CBFA2T2: variants seen among roughly 807,000 people sequenced by gnomAD.
The protein encoded by CBFA2T2 is protein CBFA2T2.
Under a neutral mutation model 62.2 loss-of-function variants are expected in CBFA2T2, and 11 were observed. The ratio of observed to expected loss-of-function variants is 0.18; its 90% CI spans 0.11 to 0.29. CBFA2T2 has a LOEUF of 0.29. Ranked by LOEUF, CBFA2T2 falls within the 10% of genes least tolerant of loss-of-function variation. The pLI is 1.00. For missense variants in CBFA2T2, 592 were observed against 774.1 expected, an observed-to-expected ratio of 0.76 and a Z score of 2.79; for synonymous variants, 295 against 287.5, an observed-to-expected ratio of 1.03 and a Z score of -0.27.
chr20:33,589,538 A>C (rs1568837168), intron 1 of CBFA2T2, among the ~76,000 whole-genome samples: 1 of 152,214 alleles, frequency 6.6e-6, no homozygotes, highest in Non-Finnish European at 1.5e-5. Flanking sequence ...GAAACGAGTA[A>C]AGATGAATTC....
At chr20:33,494,227 T>G (rs2011170813) in intron 1 of CBFA2T2, among the ~76,000 whole-genome samples, 1 of 135,094 alleles carries the variant, frequency 7.4e-6, no homozygotes, top group African/African-American at 2.8e-5. Context: ...GTACTATGTA[T>G]TAGGCATATA....
At chr20:33,618,808 C>T (rs574872925) in intron 3 of CBFA2T2, among the ~76,000 whole-genome samples, 1 of 152,326 alleles carries the variant, frequency 6.6e-6, no homozygotes, top group African/African-American at 2.4e-5. Flanking sequence ...GTCATTATCT[C>T]TGTAACAGGA....
chr20:33,607,183 T>C lies in CBFA2T2; in HGVS notation c.178+84T>C, dbSNP rs1429703261. ...TGACTTGTATGAAGCGTTCCACATA[T>C]ATTATTCAGTGTTTTCAAAGTACTA... On this transcript the variant is annotated intron_variant, in intron 2 of 10. Coordinates refer to ENST00000342704, the MANE Select transcript of CBFA2T2 (RefSeq NM_001032999.3). The C allele has an allele frequency of 3.3e-5, 42 of 1,262,148 alleles. No homozygotes were observed. The East Asian group carries it at 6.0e-4, about 18-fold the overall frequency. The allele number at this position is 1,262,148 out of a possible 1,614,324, so 78.2% of individuals were successfully genotyped here. A position where few individuals can be genotyped will look rare whatever the true frequency, so the allele number is the denominator to read the frequency against.
chr20:33,524,224 CAAGT>C (rs1239711029), intron 1 of CBFA2T2, among the ~76,000 whole-genome samples: 2 of 152,052 alleles, frequency 1.3e-5, no homozygotes, highest in African/African-American at 4.8e-5. Context: ...TAATAAATCT[CAAGT>C]AAGATCTTAA....
chr20:33,498,153 A>C (rs551980730), intron 1 of CBFA2T2, among the ~76,000 whole-genome samples: 61 of 149,288 alleles, frequency 4.1e-4, no homozygotes, highest in African/African-American at 1.5e-3. Flanking sequence ...CTGGTCTAGA[A>C]CTCCTAGGCT....
intron 6 of CBFA2T2, among the ~76,000 whole-genome samples, chr20:33,625,875 G>C (rs897854551): frequency 2.0e-5 from 3 of 152,108 alleles, no homozygotes; most frequent in African/African-American, 7.2e-5. Context: ...GGCTGAGGTG[G>C]GTGGATCATG....
intron 4 of CBFA2T2, among the ~76,000 whole-genome samples, chr20:33,619,848 G>C (rs1347030970): frequency 1.3e-5 from 2 of 152,168 alleles, no homozygotes; most frequent in African/African-American, 4.8e-5. Context: ...AGCTAGCATA[G>C]GAGAGAATAG....
At chr20:33,620,461 G>A (rs1210901535) in intron 4 of CBFA2T2, among the ~76,000 whole-genome samples, 2 of 151,848 alleles carry the variant, frequency 1.3e-5, no homozygotes, top group African/African-American at 4.8e-5. Flanking sequence ...AGCTGACATT[G>A]TGCCACTGCA....
rs529255304 is a variant in CBFA2T2 at position 33,582,602 on chromosome 20, C to T, written c.35-24354C>T. Among the ~76,000 whole-genome samples the T allele has an allele frequency of 3.3e-5, 5 of 152,332 alleles. No homozygotes were observed. In the East Asian group the frequency reaches 9.6e-4, roughly 29 times the overall value. On this transcript the variant is annotated intron_variant, in intron 1 of 10. Coordinates refer to ENST00000342704, the MANE Select transcript of CBFA2T2 (RefSeq NM_001032999.3). ...TTGGGAGGCTGAGGCAGGAAGATCA[C>T]TTGAGGCCAGGAGTTCAAGACCAGC...
At chr20:33,506,326 G>A (rs1330131903) in intron 1 of CBFA2T2, among the ~76,000 whole-genome samples, 1 of 151,842 alleles carries the variant, frequency 6.6e-6, no homozygotes, top group East Asian at 1.9e-4. Flanking sequence ...TAGCAAAATG[G>A]CCAGTACTAC....
chr20:33,516,343 G>A (rs1454290794), intron 1 of CBFA2T2, among the ~76,000 whole-genome samples: 1 of 150,544 alleles, frequency 6.6e-6, no homozygotes, highest in Non-Finnish European at 1.5e-5. Context: ...GGTGGTGCAT[G>A]CCTGTAATTC....
chr20:33,606,771 C>G (rs1036343269), intron 1 of CBFA2T2, among the ~76,000 whole-genome samples, 185 bp from the exon 2 acceptor site: 2 of 152,108 alleles, frequency 1.3e-5, no homozygotes, highest in South Asian at 2.1e-4. Context: ...TTCAAAGACC[C>G]TTTTGCCAAA....
chr20:33,565,915 C>T (rs887169335), intron 1 of CBFA2T2, among the ~76,000 whole-genome samples: 91 of 152,154 alleles, frequency 6.0e-4, no homozygotes, highest in African/African-American at 2.0e-3. Context: ...TTTGAGTGAA[C>T]GAATGTATTT....
intron 1 of CBFA2T2, among the ~76,000 whole-genome samples, chr20:33,576,637 T>C (rs2146908735): frequency 6.6e-6 from 1 of 152,324 alleles, no homozygotes; most frequent in South Asian, 2.1e-4. Flanking sequence ...AGGAATAACC[T>C]CTCCCAATTT....
At chr20:33,596,398 A>G (rs573229966) in intron 1 of CBFA2T2, among the ~76,000 whole-genome samples, 1 of 152,250 alleles carries the variant, frequency 6.6e-6, no homozygotes, top group African/African-American at 2.4e-5. Flanking sequence ...AAGGCATTTT[A>G]TTAATCACTG....
At chr20:33,547,901 T>C (rs1370120774) in intron 1 of CBFA2T2, among the ~76,000 whole-genome samples, 1 of 152,146 alleles carries the variant, frequency 6.6e-6, no homozygotes, top group African/African-American at 2.4e-5. Flanking sequence ...CCAGAAATAC[T>C]TTACTGAGGG....
chr20:33,495,156 G>A (rs79312203), intron 1 of CBFA2T2, among the ~76,000 whole-genome samples: 10,523 of 152,064 alleles, frequency 0.069, 526 homozygotes, highest in Middle Eastern at 0.14. Flanking sequence ...CCACCATTTG[G>A]AAGGTCGAGG....
intron 10 of CBFA2T2, among the ~76,000 whole-genome samples, chr20:33,642,513 G>C (rs2016895624): frequency 6.6e-6 from 1 of 152,044 alleles, no homozygotes; most frequent in Non-Finnish European, 1.5e-5. Context: ...GGCTGGGGCA[G>C]GAGGATCGCT....
At chr20:33,503,205 T>C (rs1440695912) in intron 1 of CBFA2T2, among the ~76,000 whole-genome samples, 6 of 149,590 alleles carry the variant, frequency 4.0e-5, no homozygotes, top group Admixed American at 4.0e-4. Flanking sequence ...TACACACACA[T>C]ACATATACAC....
Sources: allele counts gnomAD v4.1 joint callset (sites outside exome capture counted in the v4.1 genomes callset), GRCh38; gene constraint gnomAD v4.1.1; transcripts MANE v1.5; gene names NCBI Gene and HGNC (gene_info 2026-07-23, HGNC 2026-07-21).